CRPPA: variants seen among roughly 807,000 people sequenced by gnomAD.
CRPPA encodes the protein CDP-L-ribitol pyrophosphorylase A, also known as D-ribitol-5-phosphate cytidylyltransferase.
Under a neutral mutation model 52.0 loss-of-function variants are expected in CRPPA, and 43 were observed. The observed-to-expected ratio is 0.83, with a 90% CI of 0.65 to 1.07. The LOEUF is 1.07. Ranked by LOEUF, CRPPA falls within the 50% of genes least tolerant of loss-of-function variation. The pLI is 0.00. For missense variants in CRPPA, 629 were observed against 551.7 expected (o/e 1.14, Z -1.40); for synonymous variants, 250 against 203.5 (o/e 1.23, Z -1.94).
intron 2 of CRPPA, among the ~76,000 whole-genome samples, chr7:16,390,495 G>A (rs1787413887): frequency 6.6e-6 from 1 of 152,086 alleles, no homozygotes; most frequent in Non-Finnish European, 1.5e-5. Context: ...ATAGTTCTTA[G>A]TCTTCTTGAG....
chr7:16,208,368 T>C (rs1474187874), intron 9 of CRPPA, among the ~76,000 whole-genome samples: 1 of 152,182 alleles, frequency 6.6e-6, no homozygotes, highest in Admixed American at 6.5e-5. Flanking sequence ...ACTACTTTCA[T>C]TGATTTTGCA....
At chr7:16,200,022 T>G (rs1308966295) in intron 9 of CRPPA, among the ~76,000 whole-genome samples, 1 of 152,050 alleles carries the variant, frequency 6.6e-6, no homozygotes, top group African/African-American at 2.4e-5. Context: ...CACGCCCAGT[T>G]AATTTTTGTG....
chr7:16,351,242 C>T (rs937635395), intron 3 of CRPPA, among the ~76,000 whole-genome samples: 1 of 152,062 alleles, frequency 6.6e-6, no homozygotes, highest in African/African-American at 2.4e-5. Context: ...TTCTTTAAAC[C>T]TTACACAAAA....
intron 9 of CRPPA, among the ~76,000 whole-genome samples, chr7:16,142,970 T>C (rs2128376363): frequency 6.6e-6 from 1 of 152,332 alleles, no homozygotes; most frequent in East Asian, 1.9e-4. Context: ...TAAAGACTTG[T>C]AACTAGGTAG....
intron 9 of CRPPA, among the ~76,000 whole-genome samples, chr7:16,094,500 G>T (rs1045517957): frequency 9.9e-5 from 15 of 152,108 alleles, no homozygotes; most frequent in Middle Eastern, 3.4e-3. Flanking sequence ...AAAAAAAATG[G>T]TTTTAATCCT....
chr7:16,198,369 G>A, intron 9 of CRPPA, among the ~76,000 whole-genome samples: 1 of 74,456 alleles, frequency 1.3e-5, no homozygotes, highest in Non-Finnish European at 2.5e-5. Flanking sequence ...TTATATGTAT[G>A]CATATCTAAA....
At chr7:16,288,593 C>T (rs1046051451) in intron 5 of CRPPA, among the ~76,000 whole-genome samples, 3 of 151,854 alleles carry the variant, frequency 2.0e-5, no homozygotes, top group Non-Finnish European at 4.4e-5. Flanking sequence ...CACCTGTAAT[C>T]CCAGCATTTT....
intron 8 of CRPPA, among the ~76,000 whole-genome samples, chr7:16,220,044 A>G (rs1782456237): frequency 7.1e-6 from 1 of 139,998 alleles, no homozygotes; most frequent in Non-Finnish European, 1.6e-5. Context: ...AAAATCCTCA[A>G]TAAAATACTG....
At chr7:16,169,540 C>T (rs1357727728) in intron 9 of CRPPA, among the ~76,000 whole-genome samples, 1 of 152,214 alleles carries the variant, frequency 6.6e-6, no homozygotes, top group Admixed American at 6.5e-5. Context: ...TAGGAGAATG[C>T]TCTTGGACAA....
At chr7:16,128,664 A>C (rs1782625872) in intron 9 of CRPPA, among the ~76,000 whole-genome samples, 1 of 152,306 alleles carries the variant, frequency 6.6e-6, no homozygotes, top group Non-Finnish European at 1.5e-5. Flanking sequence ...TGACAGTAAA[A>C]GAATCATCCA....
At chr7:16,370,562 G>A (rs74555751) in intron 3 of CRPPA, among the ~76,000 whole-genome samples, 2,900 of 152,240 alleles carry the variant, frequency 0.019, 91 homozygotes, top group African/African-American at 0.066. Context: ...CCTAGGGAAA[G>A]GGAGAGGGCA....
chr7:16,226,554 CT>C (rs1252871374), intron 8 of CRPPA, among the ~76,000 whole-genome samples: 1 of 151,828 alleles, frequency 6.6e-6, no homozygotes, highest in Non-Finnish European at 1.5e-5. Context: ...TAGCCATATA[CT>C]GTTACATTTA....
intron 3 of CRPPA, among the ~76,000 whole-genome samples, chr7:16,315,425 TG>T (rs1336949723): frequency 6.6e-6 from 1 of 152,184 alleles, no homozygotes; most frequent in African/African-American, 2.4e-5. Context: ...ACATGATTAC[TG>T]GGTAAAAGAA....
intron 5 of CRPPA, among the ~76,000 whole-genome samples, chr7:16,300,677 A>G (rs1784774547): frequency 6.6e-6 from 1 of 152,198 alleles, no homozygotes; most frequent in Non-Finnish European, 1.5e-5. Flanking sequence ...CTTGTAATGC[A>G]CAAAACAGTC....
At chr7:16,157,337 T>C (rs1372591557) in intron 9 of CRPPA, among the ~76,000 whole-genome samples, 1 of 152,130 alleles carries the variant, frequency 6.6e-6, no homozygotes, top group African/African-American at 2.4e-5. Context: ...GGTTCTCATA[T>C]GGAAACAATA....
chr7:16,202,871 A>AAGAAATGATGTCTATGATGT (rs1287225876), intron 9 of CRPPA, among the ~76,000 whole-genome samples: 4 of 152,214 alleles, frequency 2.6e-5, no homozygotes, highest in African/African-American at 9.6e-5. Flanking sequence ...CAACAAAAAT[A>AAGAAATGATGTCTATGATGT]AGAAATGATG....
At chr7:16,253,759 C>T (rs1193405248) in intron 8 of CRPPA, among the ~76,000 whole-genome samples, 1 of 152,098 alleles carries the variant, frequency 6.6e-6, no homozygotes. Context: ...AACTAAAGAG[C>T]TTCTGCACAG....
chr7:16,235,254 C>T (rs141739520), intron 8 of CRPPA, among the ~76,000 whole-genome samples: 10 of 152,146 alleles, frequency 6.6e-5, no homozygotes, highest in Non-Finnish European at 1.3e-4. Context: ...TGCATTTGAA[C>T]ATTTCTATCA....
At chr7:16,146,234 ATAT>A (rs1216388425) in intron 9 of CRPPA, among the ~76,000 whole-genome samples, 1 of 151,922 alleles carries the variant, frequency 6.6e-6, no homozygotes, top group African/African-American at 2.4e-5. Flanking sequence ...CCAACCAAAA[ATAT>A]TATATGCAGC....
Sources: gnomAD v4.1 joint callset for allele counts (sites outside exome capture counted in the v4.1 genomes callset) on GRCh38, gnomAD v4.1.1 for gene constraint, MANE v1.5 for transcripts, NCBI Gene and HGNC (gene_info 2026-07-23, HGNC 2026-07-21) for gene names.